MYO9A: variants seen among roughly 807,000 people sequenced by gnomAD.
MYO9A encodes unconventional myosin-IXa.
A neutral mutation model predicts 293.3 loss-of-function variants in MYO9A; 103 were observed. The ratio of observed to expected loss-of-function variants is 0.35; its 90% confidence interval spans 0.30 to 0.41. The LOEUF (loss-of-function observed/expected upper bound fraction) is 0.41, where lower values mean the gene tolerates loss of function less well. Among genes scored for constraint, MYO9A ranks in the 10% least tolerant of loss-of-function variants. The pLI is 1.00. For missense variants in MYO9A, 2,685 were observed against 3,033.0 expected, an observed-to-expected ratio of 0.89 and a Z score of 2.69; for synonymous variants, 1,001 against 1,035.7, an observed-to-expected ratio of 0.97 and a Z score of 0.64.
intron 15 of MYO9A, among the ~76,000 whole-genome samples, chr15:71,948,624 C>T (rs2058976376): frequency 6.6e-6 from 1 of 152,148 alleles, no homozygotes; most frequent in East Asian, 1.9e-4. Context: ...TTGCTGTCTG[C>T]TTTTTGCAGA....
Position 71,901,323 on chromosome 15 carries a change from C to T in MYO9A, c.3018G>A (p.Gln1006=). 1 of 1,612,580 alleles carries T rather than the reference C, an allele frequency of 6.2e-7. No homozygotes were observed. The highest frequency in any genetic ancestry group is 8.5e-7 in the Non-Finnish European group (1 of 1,179,560). ...VGKTMVFLKE[Q]ERQHLQDLLH... ...GCAGATCTTGTAAGTGCTGTCGTTC[C>T]TGCTCCTTTAGAAAGACCTACCAAA... The change falls in exon 23 of 42, where the codon CAG becomes CAA. Residue 1006 remains glutamine (Q), a synonymous_variant. Coordinates refer to ENST00000356056, the MANE Select transcript of MYO9A (RefSeq NM_006901.4).
At chr15:71,908,110 A>T (rs1280287765) in intron 19 of MYO9A, among the ~76,000 whole-genome samples, 1 of 152,150 alleles carries the variant, frequency 6.6e-6, no homozygotes, top group Non-Finnish European at 1.5e-5. Context: ...CCATCTTGAA[A>T]TGATTTTTGT....
At chr15:72,054,441 G>A (rs547104669) in intron 1 of MYO9A, among the ~76,000 whole-genome samples, 1 of 152,152 alleles carries the variant, frequency 6.6e-6, no homozygotes, top group Non-Finnish European at 1.5e-5. Context: ...GGGGGGCCGA[G>A]GCGGGCGAAT....
At chr15:72,042,281 T>C (rs549895789) in intron 2 of MYO9A, among the ~76,000 whole-genome samples, 18 of 150,692 alleles carry the variant, frequency 1.2e-4, no homozygotes, top group Admixed American at 3.3e-4. Context: ...AGGAGAACCA[T>C]TGAAGCCCAG....
At chr15:72,003,291 A>C (rs1372530340) in intron 8 of MYO9A, among the ~76,000 whole-genome samples, 2 of 151,756 alleles carry the variant, frequency 1.3e-5, no homozygotes, top group African/African-American at 2.4e-5. Flanking sequence ...AAAGTAAAAA[A>C]AAAATAAAAG....
Position 71,919,831 on chromosome 15 carries a change from G to A in MYO9A, c.2563-3339C>T, listed in dbSNP as rs1237133822. Among the ~76,000 whole-genome samples the A allele has an allele frequency of 3.2e-5, 3 of 93,788 alleles. No homozygotes were observed. The East Asian group carries it at 9.1e-4, about 28-fold the overall frequency. 61.5% of individuals were successfully genotyped at this position (93,788 alleles called of 152,430 possible). A position where few individuals can be genotyped will look rare whatever the true frequency, so the allele number is the denominator to read the frequency against. On this transcript the variant is annotated intron_variant, in intron 18 of 41. Transcript: ENST00000356056. The stretch of plus-strand genomic sequence containing the variant: ...CACTCCAGCCAGGGCGACAGAATAA[G>A]ACTCCATCTCAAAAAAAAAAAAAAA...
intron 13 of MYO9A, among the ~76,000 whole-genome samples, chr15:71,966,434 C>T (rs1381877150): frequency 6.6e-6 from 1 of 152,030 alleles, no homozygotes; most frequent in Non-Finnish European, 1.5e-5. Context: ...TTTATTTGTG[C>T]ACTTTATGCA....
At chr15:71,990,950 C>A (rs78311396) in intron 11 of MYO9A, among the ~76,000 whole-genome samples, 153 bp downstream of exon 11, 1 of 152,020 alleles carries the variant, frequency 6.6e-6, no homozygotes, top group African/African-American at 2.4e-5. Context: ...CAATTTACTT[C>A]GGTTATTCTT....
At chr15:71,862,476 T>C (rs1326911013) in intron 33 of MYO9A, 24 bp downstream of exon 33, 4 of 1,514,184 alleles carry the variant, frequency 2.6e-6, no homozygotes, top group Non-Finnish European at 3.7e-6. Flanking sequence ...TTAAAAATAT[T>C]CCTCAAAGAT....
At chr15:72,054,678 C>CAAAAA (rs11284116) in intron 1 of MYO9A, among the ~76,000 whole-genome samples, 3 of 63,926 alleles carry the variant, frequency 4.7e-5, no homozygotes, top group African/African-American at 2.0e-4. Context: ...GACTCTGTCT[C>CAAAAA]AAAAAAAAAA....
chr15:71,933,823 T>C (rs2058551258), intron 17 of MYO9A, 114 bp from the exon 18 acceptor site: 1 of 822,536 alleles, frequency 1.2e-6, no homozygotes, highest in Non-Finnish European at 2.0e-6. Context: ...TATATACCCA[T>C]TACCAAGACT....
chr15:72,073,927 T>C (rs1345960208), intron 1 of MYO9A, among the ~76,000 whole-genome samples: 3 of 152,172 alleles, frequency 2.0e-5, no homozygotes, highest in Non-Finnish European at 2.9e-5. Flanking sequence ...GGTCTACTTC[T>C]GGGGTCCACA....
Position 72,045,660 on chromosome 15 carries a change from AC to A in MYO9A, c.840+63del, listed in dbSNP as rs544768251. The A allele has an allele frequency of 5.8e-5, 86 of 1,478,430 alleles. No individual in the cohort carries two copies. The South Asian group carries it at 9.0e-4, about 16-fold the overall frequency. 91.6% of individuals were successfully genotyped at this position (1,478,430 alleles called of 1,614,324 possible). A position where few individuals can be genotyped will look rare whatever the true frequency, so the allele number is the denominator to read the frequency against. The stretch of plus-strand genomic sequence containing the variant: ...ATTGCAGTACCTCCAGGAATGGTAC[AC>A]CCCCCCACCTCAAAGGATAAAAATC... On this transcript the variant is annotated intron_variant, in intron 2 of 41. Transcript: ENST00000356056.
chr15:72,117,637 C>A (rs1273376866), intron 1 of MYO9A, 43 bp downstream of exon 1: 6 of 395,372 alleles, frequency 1.5e-5, no homozygotes, highest in Middle Eastern at 1.2e-3. Context: ...AGACGTGGGC[C>A]AGGACGGGCT....
intron 15 of MYO9A, 130 bp from the exon 16 acceptor site, chr15:71,939,057 A>G: frequency 1.6e-6 from 1 of 637,966 alleles, no homozygotes; most frequent in African/African-American, 1.9e-5. Context: ...TATCTAAATA[A>G]TTACATGACC....
chr15:71,982,280 A>G (rs1001156255), intron 11 of MYO9A, among the ~76,000 whole-genome samples: 1 of 152,014 alleles, frequency 6.6e-6, no homozygotes. Context: ...TCAGCCTCCC[A>G]AAGTGCTGGG....
Position 71,850,135 on chromosome 15 carries a change from G to C in MYO9A, c.6614C>G (p.Ser2205Cys), listed in dbSNP as rs1248535324. ...AAACACAATGGCCAAAGCATTAGCA[G>C]ACATTCGATTAGTGTCTTCCTGCAG... ...IALQEDTNRM[S>C]ANALAIVFAP... The change falls in exon 38 of 42, where the codon TCT becomes TGT. Residue 2205 changes from serine to cysteine, a missense_variant. Ser to Cys is a moderately radical substitution (Grantham distance 112). Around this residue, in one of 10 missense-constraint regions of MYO9A, gnomAD observed 238 missense variants for 269.1 expected, o/e 0.88. Transcript: ENST00000356056. 1 of 1,613,990 alleles carries C rather than the reference G, an allele frequency of 6.2e-7. No homozygotes were observed. Among genetic ancestry groups the C allele is most frequent in the Non-Finnish European group, 8.5e-7 (1 of 1,179,986 alleles).
rs1236177556 is a variant in MYO9A, at chr15:71,822,938, C to T, written c.*3642G>A. ...AAAAGTGGTTAAAAGTAGTCTAGGG[C>T]ATAGAAAAAGAGGACTCTCACAGAT... On this transcript the variant is annotated 3_prime_UTR_variant, in exon 42 of 42. Transcript: ENST00000356056. 1 of 151,984 alleles carries T rather than the reference C, an allele frequency of 6.6e-6. No homozygotes were observed. Among genetic ancestry groups the T allele is most frequent in the Admixed American group, 6.6e-5 (1 of 15,258 alleles). The allele number at this position is 151,984 out of a possible 1,614,324, so 9.4% of individuals were successfully genotyped here.
intron 8 of MYO9A, among the ~76,000 whole-genome samples, chr15:72,001,671 C>T (rs1263346121): frequency 6.6e-6 from 1 of 151,454 alleles, no homozygotes; most frequent in African/African-American, 2.4e-5. Flanking sequence ...TAAAGAACAA[C>T]TTTTAACCAT....
Sources: gnomAD v4.1 joint callset for allele counts (sites outside exome capture counted in the v4.1 genomes callset) on GRCh38, gnomAD v4.1.1 for gene constraint, gnomAD v4.1.1 regional missense constraint, MANE v1.5 for transcripts, NCBI Gene and HGNC (gene_info 2026-07-23, HGNC 2026-07-21) for gene names.